TUSC3: variants seen among roughly 807,000 people sequenced by gnomAD.
TUSC3 encodes dolichyl-diphosphooligosaccharide--protein glycosyltransferase subunit TUSC3.
TUSC3 carries 45 observed loss-of-function variants against 44.8 expected under a neutral mutation model. The observed-to-expected ratio is 1.00, with a 90% CI of 0.79 to 1.29. TUSC3 has a LOEUF of 1.29. Among genes scored for constraint, TUSC3 ranks in the 50% most tolerant of loss-of-function variants. TUSC3 has a pLI of 0.00. For missense variants in TUSC3, 519 were observed against 437.9 expected, an observed-to-expected ratio of 1.19 and a Z score of -1.65; for synonymous variants, 212 against 152.9, an observed-to-expected ratio of 1.39 and a Z score of -2.85.
chr8:15,637,290 CTTTA>C (rs1376150131), intron 2 of TUSC3, among the ~76,000 whole-genome samples: 1 of 151,918 alleles, frequency 6.6e-6, no homozygotes, highest in Non-Finnish European at 1.5e-5. Context: ...TCTTAATGTC[CTTTA>C]TTTATTTTCA....
rs189509480 is a variant in TUSC3 at position 15,675,084 on chromosome 8, G to C, written c.798+1248G>C. ...GTATGCTACATAATTTATCGAATGT[G>C]TTATTTTGTCCGTTTGCCTTTTGCC... On this transcript the variant is annotated intron_variant, in intron 6 of 10. Coordinates refer to ENST00000503731, the MANE Select transcript of TUSC3 (RefSeq NM_006765.4). Among the ~76,000 whole-genome samples, 1,128 of 152,058 alleles carry C rather than the reference G, an allele frequency of 7.4e-3. 6 individuals carry two copies. The highest frequency in any genetic ancestry group is 0.012 in the Non-Finnish European group (827 of 67,934).
intron 2 of TUSC3, among the ~76,000 whole-genome samples, chr8:15,514,324 A>G (rs929063077): frequency 1.3e-5 from 2 of 152,198 alleles, no homozygotes; most frequent in Non-Finnish European, 2.9e-5. Context: ...ATTTATTTTT[A>G]TATTTTAGGT....
In TUSC3 at chr8:15,453,064, C is replaced by T. The variant is rs181833203; in HGVS notation, n.92-30322C>T. 2.0e-3 allele frequency among the ~76,000 whole-genome samples: 310 copies of T among 152,074 alleles called. 1 individual carries two copies. The highest frequency in any genetic ancestry group is 2.8e-3 in the Non-Finnish European group (188 of 68,000). ...TAGAAACAGTATCTAGGATTAAACG[C>T]AATATATAGATAGGTTTGAGATTTT... On this transcript the variant is annotated intron_variant and non_coding_transcript_variant, in intron 1 of 5. Transcript: ENST00000503191.
At chr8:15,496,002 A>G (rs1800875599) in intron 2 of TUSC3, among the ~76,000 whole-genome samples, 1 of 152,154 alleles carries the variant, frequency 6.6e-6, no homozygotes, top group South Asian at 2.1e-4. Flanking sequence ...AGTGAATCTA[A>G]CCAAGTGGCC....
chr8:15,672,827 C>T (rs986676423), intron 5 of TUSC3, among the ~76,000 whole-genome samples: 1 of 151,856 alleles, frequency 6.6e-6, no homozygotes, highest in Non-Finnish European at 1.5e-5. Flanking sequence ...ATTTAGACTC[C>T]CAGTCGTGCA....
intron 1 of TUSC3, among the ~76,000 whole-genome samples, chr8:15,455,942 A>G (rs1409989362): frequency 1.3e-5 from 2 of 152,218 alleles, no homozygotes; most frequent in East Asian, 3.9e-4. Context: ...ACTGTAGAAG[A>G]TAACACTGAC....
chr8:15,519,325 A>G (rs1027103430), intron 2 of TUSC3, among the ~76,000 whole-genome samples: 1 of 152,214 alleles, frequency 6.6e-6, no homozygotes, highest in Non-Finnish European at 1.5e-5. Context: ...TATATTTCAT[A>G]TAATCAGCAT....
the TUSC3 span, chr8:15,806,556 C>T: frequency 4.1e-6 from 6 of 1,447,756 alleles, no homozygotes; most frequent in East Asian, 1.4e-4. Flanking sequence ...CAGAGCTCTT[C>T]ATTTCCCATA....
chr8:15,467,140 C>G (rs1474564643), intron 1 of TUSC3, among the ~76,000 whole-genome samples: 2 of 151,986 alleles, frequency 1.3e-5, no homozygotes, highest in Non-Finnish European at 2.9e-5. Flanking sequence ...ATTAAAATTA[C>G]TAAAACCTGT....
chr8:15,510,185 T>G (rs2132130), intron 2 of TUSC3, among the ~76,000 whole-genome samples: 152,147 of 152,198 alleles, frequency 1, 76,048 homozygotes, highest in Middle Eastern at 1. Flanking sequence ...TTGCAAATCT[T>G]GAAAATGAAA....
At chr8:15,626,341 C>A (rs1450244780) in intron 2 of TUSC3, among the ~76,000 whole-genome samples, 3 of 152,268 alleles carry the variant, frequency 2.0e-5, no homozygotes, top group African/African-American at 7.2e-5. Context: ...GCAGGGCAGT[C>A]AGGTATGGAG....
intron 1 of TUSC3, among the ~76,000 whole-genome samples, chr8:15,460,042 A>C (rs978700397): frequency 5.3e-5 from 8 of 152,084 alleles, no homozygotes; most frequent in African/African-American, 1.9e-4. Flanking sequence ...TTTTCCTCTG[A>C]GTAGATACCC....
chr8:15,697,132 T>A (rs528326669), intron 6 of TUSC3, among the ~76,000 whole-genome samples: 1 of 152,298 alleles, frequency 6.6e-6, no homozygotes, highest in South Asian at 2.1e-4. Flanking sequence ...AATATGTCCC[T>A]TTTCATTTCT....
At chr8:15,812,634 G>A in the TUSC3 span, among the ~76,000 whole-genome samples, 1 of 152,160 alleles carries the variant, frequency 6.6e-6, no homozygotes, top group African/African-American at 2.4e-5. Flanking sequence ...AGCTTACTGG[G>A]GATGGAGGAC....
rs538692598 is a variant in TUSC3, at chr8:15,695,897, C to CG, written c.798+22061_798+22062insG. On this transcript the variant is annotated intron_variant, in intron 6 of 10. Transcript: ENST00000503731. ...TGTGGTGGAAGAAATTTCTCAGCAGCAAAGCATTCAAGAAGTGAGGTGGGT... is the reference window on the plus strand; with the variant it reads ...TGTGGTGGAAGAAATTTCTCAGCAGCGAAAGCATTCAAGAAGTGAGGTGGGT... Among the ~76,000 whole-genome samples the CG allele has an allele frequency of 2.5e-3, 388 of 152,192 alleles. 3 individuals are homozygous for CG. Among genetic ancestry groups the CG allele is most frequent in the African/African-American group, 8.9e-3 (369 of 41,534 alleles).
intron 1 of TUSC3, among the ~76,000 whole-genome samples, chr8:15,456,073 C>T (rs1391861397): frequency 6.6e-6 from 1 of 152,170 alleles, no homozygotes; most frequent in Non-Finnish European, 1.5e-5. Flanking sequence ...TCATTTCCCA[C>T]ACCCCATGAT....
rs144496180 is a variant in TUSC3, at chr8:15,717,545, A to C, written c.799-13121A>C. Among the ~76,000 whole-genome samples, 206 of 152,194 alleles carry C rather than the reference A, an allele frequency of 1.4e-3. 2 individuals carry two copies. Among genetic ancestry groups the C allele is most frequent in the African/African-American group, 4.8e-3 (199 of 41,562 alleles). On this transcript the variant is annotated intron_variant, in intron 6 of 10. Transcript: ENST00000503731. Reference sequence around the variant, plus strand: ...CATCCTCTATTAATTTCCTTGTCACACTGTACCTGTTTGAAATCCTGTTGC... The same window carrying C: ...CATCCTCTATTAATTTCCTTGTCACCCTGTACCTGTTTGAAATCCTGTTGC...
At chr8:15,676,776 G>A (rs541683620) in intron 6 of TUSC3, among the ~76,000 whole-genome samples, 1 of 152,180 alleles carries the variant, frequency 6.6e-6, no homozygotes, top group East Asian at 1.9e-4. Context: ...AGTATTGAAA[G>A]TGAGAAGCCT....
At chr8:15,731,749 A>G (rs1348219583) in intron 7 of TUSC3, among the ~76,000 whole-genome samples, 1 of 152,226 alleles carries the variant, frequency 6.6e-6, no homozygotes, top group Admixed American at 6.5e-5. Flanking sequence ...GAGGAAAAAT[A>G]CTATCTTTTT....
Sources: allele counts gnomAD v4.1 joint callset (sites outside exome capture counted in the v4.1 genomes callset), GRCh38; gene constraint gnomAD v4.1.1; transcripts MANE v1.5; gene names NCBI Gene and HGNC (gene_info 2026-07-23, HGNC 2026-07-21).